GSE1: variants seen among roughly 807,000 people sequenced by gnomAD.
GSE1 encodes the protein genetic suppressor element 1.
A neutral mutation model predicts 112.6 loss-of-function variants in GSE1; 32 were observed. The observed-to-expected ratio is 0.28, with a 90% CI of 0.21 to 0.38. The LOEUF (loss-of-function observed/expected upper bound fraction) is 0.38, where lower values mean the gene tolerates loss of function less well. Ranked by LOEUF, GSE1 falls within the 10% of genes least tolerant of loss-of-function variation. The probability of loss-of-function intolerance (pLI) is 1.00; values close to 1 mark genes in which losing one functional copy is unlikely to be tolerated. For synonymous variants in GSE1, 1,115 were observed against 735.6 expected (o/e 1.52, Z -8.35); for missense variants, 2,348 against 1,699.2 (o/e 1.38, Z -6.71).
chr16:85,669,515 C>T (rs1320427939), intron 14 of GSE1, among the ~76,000 whole-genome samples: 1 of 152,208 alleles, frequency 6.6e-6, no homozygotes, highest in African/African-American at 2.4e-5. Context: ...CTTTCCTCCT[C>T]CCGTGGAATC....
chr16:85,445,797 A>T (rs1047719327), intron 2 of GSE1, among the ~76,000 whole-genome samples: 1 of 152,128 alleles, frequency 6.6e-6, no homozygotes. Flanking sequence ...CCCTGCAGCC[A>T]TGCTGCCCTT....
At chr16:85,455,381 A>AAGAG (rs147528394) in intron 2 of GSE1, among the ~76,000 whole-genome samples, 31 of 149,742 alleles carry the variant, frequency 2.1e-4, no homozygotes, top group East Asian at 9.7e-4. Context: ...GGCATTACAA[A>AAGAG]AGAGAGAGAG....
intron 1 of GSE1, among the ~76,000 whole-genome samples, chr16:85,177,845 A>G (rs903406409): frequency 6.6e-6 from 1 of 152,146 alleles, no homozygotes; most frequent in African/African-American, 2.4e-5. Flanking sequence ...TCACTTTCAG[A>G]CAACGCTATA....
Position 85,291,976 on chromosome 16 carries a change from C to T in GSE1, c.2284-65487C>T, listed in dbSNP as rs898254609. Among the ~76,000 whole-genome samples, 9 of 152,248 alleles carry T rather than the reference C, an allele frequency of 5.9e-5. No homozygotes were observed. In the South Asian group the frequency reaches 1.5e-3, roughly 25 times the overall value. On this transcript the variant is annotated intron_variant, in intron 1 of 2. Transcript: ENST00000637419. ...GCCCTGCCCTTGACCCTGGGAGCCC[C>T]GTAAAGGAGGCAGAGAGGTGATCAG...
At chr16:85,608,640 T>C (rs79074971), upstream of GSE1, among the ~76,000 whole-genome samples, 143 of 152,294 alleles carry the variant, frequency 9.4e-4, 1 homozygote, top group African/African-American at 3.0e-3. Context: ...TGCTGGAATG[T>C]GTGTGCCTGA....
rs115504412 is a variant in GSE1, at chr16:85,476,723, C to T, written c.2464+119080C>T. Among the ~76,000 whole-genome samples the T allele has an allele frequency of 8.5e-3, 1,294 of 151,894 alleles. 17 individuals are homozygous for T. Among genetic ancestry groups the T allele is most frequent in the African/African-American group, 0.03 (1,242 of 41,386 alleles). ...ATCACAGCTCAGTCGATCTTCCCAC[C>T]GCAGCCTCCCCAGTAGCTGGGACTA... On this transcript the variant is annotated intron_variant, in intron 2 of 2. Coordinates refer to the GSE1 transcript ENST00000637419.
intron 2 of GSE1, among the ~76,000 whole-genome samples, chr16:85,534,239 A>G (rs1224882173): frequency 6.6e-6 from 1 of 151,074 alleles, no homozygotes; most frequent in Admixed American, 6.6e-5. Flanking sequence ...CTCCCACCTC[A>G]GCCTCCCAAA....
chr16:85,376,300 C>T (rs939548335), intron 2 of GSE1, among the ~76,000 whole-genome samples: 3 of 152,166 alleles, frequency 2.0e-5, no homozygotes, highest in Non-Finnish European at 2.9e-5. Context: ...TCGAGGAGCT[C>T]GACCTCGGTT....
intron 2 of GSE1, among the ~76,000 whole-genome samples, chr16:85,471,247 G>T (rs1274980692): frequency 6.6e-6 from 1 of 152,226 alleles, no homozygotes; most frequent in African/African-American, 2.4e-5. Flanking sequence ...AGCTCCAGGG[G>T]TGGCTGAGTG....
At chr16:85,229,256 G>A in intron 1 of GSE1, among the ~76,000 whole-genome samples, 1 of 152,250 alleles carries the variant, frequency 6.6e-6, no homozygotes, top group Non-Finnish European at 1.5e-5. Context: ...TTGAGGGGGT[G>A]GCCCTCCCTG....
intron 3 of GSE1, among the ~76,000 whole-genome samples, chr16:85,649,038 C>T (rs942205863): frequency 4.6e-5 from 7 of 152,072 alleles, no homozygotes; most frequent in East Asian, 3.9e-4. Context: ...GTTCACAATC[C>T]GGGGGCCGGC....
intron 2 of GSE1, among the ~76,000 whole-genome samples, chr16:85,534,319 A>T (rs2151190943): frequency 6.6e-6 from 1 of 151,970 alleles, no homozygotes; most frequent in South Asian, 2.1e-4. Flanking sequence ...ATGAGGTTTC[A>T]CCATGTTGGC....
rs2048786873 is a variant in GSE1 at position 85,419,741 on chromosome 16, C to A, written c.2464+62098C>A. Reference sequence around the variant, plus strand: ...CAGCTGGGGATCTCTAAAAACCCCTCTGATGCCTGCCTCCCCCGCCCCGCC... The same window carrying A: ...CAGCTGGGGATCTCTAAAAACCCCTATGATGCCTGCCTCCCCCGCCCCGCC... On this transcript the variant is annotated intron_variant, in intron 2 of 2. Coordinates refer to the GSE1 transcript ENST00000637419. This position sits in a 1 kb window ranked among gnomAD's most constrained non-coding sequence, Gnocchi z 6.5. Among the ~76,000 whole-genome samples the A allele has an allele frequency of 6.6e-6, 1 of 152,172 alleles. No homozygotes were observed. The highest frequency in any genetic ancestry group is 2.4e-5 in the African/African-American group (1 of 41,440).
At chr16:85,490,805 A>G (rs916124637) in intron 2 of GSE1, 5 of 152,254 alleles carry the variant, frequency 3.3e-5, no homozygotes, top group African/African-American at 1.2e-4. Context: ...TAGAGAACCT[A>G]TGTAAAATAA....
chr16:85,253,993 G>C (rs986100584), intron 1 of GSE1, among the ~76,000 whole-genome samples: 2 of 152,194 alleles, frequency 1.3e-5, no homozygotes, highest in African/African-American at 2.4e-5. Flanking sequence ...GGAAGGTGTG[G>C]GATGGAGCTG....
At chr16:85,291,404 A>G (rs992609053) in intron 1 of GSE1, among the ~76,000 whole-genome samples, 1 of 152,048 alleles carries the variant, frequency 6.6e-6, no homozygotes, top group Non-Finnish European at 1.5e-5. Context: ...ATCCAGCAGC[A>G]TTTTCTGGAT....
chr16:85,259,464 G>A (rs967425557), intron 1 of GSE1, among the ~76,000 whole-genome samples: 16 of 152,266 alleles, frequency 1.1e-4, no homozygotes, highest in East Asian at 3.9e-4. Flanking sequence ...AATAAAGACC[G>A]AAGTCACAGC....
chr16:85,480,884 C>T (rs985412540), intron 2 of GSE1, among the ~76,000 whole-genome samples: 1 of 152,194 alleles, frequency 6.6e-6, no homozygotes, highest in Non-Finnish European at 1.5e-5. Flanking sequence ...AATAATACTC[C>T]GGAGCAGCTG....
intron 2 of GSE1, among the ~76,000 whole-genome samples, chr16:85,458,891 G>A (rs1009815346): frequency 2.0e-5 from 3 of 152,176 alleles, no homozygotes; most frequent in African/African-American, 7.2e-5. Flanking sequence ...GAGGGGAGCT[G>A]TGTTCCTTCA....
Sources: gnomAD v4.1 joint callset for allele counts (sites outside exome capture counted in the v4.1 genomes callset) on GRCh38, gnomAD v4.1.1 for gene constraint, Gnocchi (gnomAD v3.1) non-coding constraint, MANE v1.5 for transcripts, NCBI Gene and HGNC (gene_info 2026-07-23, HGNC 2026-07-21) for gene names.